Variants in IDI1 observed in about 807,000 individuals in gnomAD.
The protein encoded by IDI1 is isopentenyl-diphosphate delta isomerase 1.
In IDI1, 23 loss-of-function variants were observed where a neutral mutation model predicts 32.9. That is an observed-to-expected ratio of 0.70 (90% CI 0.50 to 0.99). The LOEUF (loss-of-function observed/expected upper bound fraction) is 0.99. Ranked by LOEUF, IDI1 falls within the 50% of genes least tolerant of loss-of-function variation. The pLI is 0.00. For missense variants in IDI1, 326 were observed against 351.9 expected (o/e 0.93, Z 0.59); for synonymous variants, 133 against 128.2 (o/e 1.04, Z -0.25).
At chr10:1,055,642 G>T in the IDI1 span, among the ~76,000 whole-genome samples, 1 of 151,576 alleles carries the variant, frequency 6.6e-6, no homozygotes, top group Admixed American at 6.6e-5. Flanking sequence ...TTTTTTCCTT[G>T]GCGTTCCTCT....
the IDI1 span, chr10:1,056,343 C>T: frequency 6.6e-6 from 1 of 152,256 alleles, no homozygotes; most frequent in Non-Finnish European, 1.5e-5. Context: ...GTTTTTCCTT[C>T]CCAGCCAATG....
the IDI1 span, among the ~76,000 whole-genome samples, chr10:1,055,741 C>T: frequency 6.6e-6 from 1 of 151,620 alleles, no homozygotes; most frequent in Non-Finnish European, 1.5e-5. Flanking sequence ...AATCTGGATC[C>T]CCTAAATAGA....
At chr10:1,049,861 C>A (rs953133106), upstream of IDI1, among the ~76,000 whole-genome samples, 4 of 152,180 alleles carry the variant, frequency 2.6e-5, no homozygotes, top group Non-Finnish European at 5.9e-5. Flanking sequence ...GCATGTTGGT[C>A]AGGCTGGTCT....
In IDI1 at chr10:1,045,417, ATG is replaced by A. The variant is rs1179252139; in HGVS notation, c.141-1248_141-1247del. 3.3e-5 allele frequency among the ~76,000 whole-genome samples: 5 copies of A among 152,266 alleles called. No individual in the cohort carries two copies. The East Asian group carries it at 7.7e-4, about 23-fold the overall frequency. ...CTACCCAATATATTTTGAAGATCCCATGTGCTCTACTTTCTATGTGACTCTAT... is the reference window on the plus strand; with the variant it reads ...CTACCCAATATATTTTGAAGATCCCATGCTCTACTTTCTATGTGACTCTAT... On this transcript the variant is annotated intron_variant, in intron 1 of 4. Transcript: ENST00000381344.
chr10:1,043,517 C>G (rs1328853946), intron 2 of IDI1, 124 bp from the exon 3 acceptor site: 1 of 727,860 alleles, frequency 1.4e-6, no homozygotes, highest in South Asian at 1.5e-5. Context: ...CATGGTTTAT[C>G]CACATGCATA....
intron 2 of IDI1, chr10:1,043,622 G>C: frequency 1.5e-6 from 1 of 664,432 alleles, no homozygotes. Flanking sequence ...CCCCTTTCCG[G>C]CAGTCAAGTT....
chr10:1,048,028 G>C (rs1267386969), intron 1 of IDI1, among the ~76,000 whole-genome samples: 1 of 151,898 alleles, frequency 6.6e-6, no homozygotes, highest in African/African-American at 2.4e-5. Flanking sequence ...CTTTTTTTCC[G>C]GGGGGATGGG....
Position 1,048,910 on chromosome 10 carries a change from C to A in IDI1, c.94G>T (p.Gly32Trp), listed in dbSNP as rs146488372. The change falls in exon 1 of 5, where the codon GGG becomes TGG. Residue 32 changes from glycine to tryptophan, a missense_variant. Gly to Trp is a radical substitution (Grantham distance 184). Around this residue, in one of 2 missense-constraint regions of IDI1, gnomAD observed 121 missense variants for 78.4 expected, o/e 1.54. Coordinates refer to ENST00000381344, the MANE Select transcript of IDI1 (RefSeq NM_004508.4). ...ACAACCGCCGGTCCCGGATGGCGCC[C>A]GCTTTGAGCACAGTCTGCGGCGCGC... ...AVRAADCAQS[G>W]RHPGPAVVCG... is the part of the protein sequence containing the mutation. The A allele has an allele frequency of 1.2e-6, 2 of 1,605,560 alleles. No homozygotes were observed. Among genetic ancestry groups the A allele is most frequent in the African/African-American group, 1.4e-5 (1 of 73,978 alleles).
Position 1,048,546 on chromosome 10 carries a change from G to A in IDI1, c.140+318C>T. The stretch of plus-strand genomic sequence containing the variant: ...GCAACTCTTAGTCTCCTGCGACTCG[G>A]TTTCCAGTTCCACGAGTTCCTAAAC... On this transcript the variant is annotated intron_variant, in intron 1 of 4. Transcript: ENST00000381344. 3 of 1,312,084 alleles carry A rather than the reference G, an allele frequency of 2.3e-6. No homozygotes were observed. The South Asian group carries it at 4.6e-5, about 20-fold the overall frequency. 81.3% of individuals were successfully genotyped at this position (1,312,084 alleles called of 1,614,324 possible). A position where few individuals can be genotyped will look rare whatever the true frequency, so the allele number is the denominator to read the frequency against.
intron 1 of IDI1, chr10:1,048,633 C>A: frequency 7.1e-7 from 1 of 1,408,470 alleles, no homozygotes; most frequent in Non-Finnish European, 9.2e-7. Context: ...ACGTCTCTGA[C>A]GCCCCGACTC....
At chr10:1,053,650 T>C (rs890369831), upstream of IDI1, among the ~76,000 whole-genome samples, 8 of 152,274 alleles carry the variant, frequency 5.3e-5, no homozygotes, top group Non-Finnish European at 1.2e-4. Context: ...TCATTAATCA[T>C]TTCTAGTTTT....
upstream of IDI1, among the ~76,000 whole-genome samples, chr10:1,052,856 C>T (rs1833049525): frequency 1.3e-5 from 2 of 152,216 alleles, no homozygotes. Context: ...CAGGCTTTGA[C>T]TTCTCCTCTC....
At chr10:1,051,643 C>T (rs148395509), upstream of IDI1, among the ~76,000 whole-genome samples, 504 of 152,250 alleles carry the variant, frequency 3.3e-3, 7 homozygotes, top group Admixed American at 0.03. Flanking sequence ...TAGATGAGTA[C>T]TGAATGGTCG....
At position 1,044,176 on chromosome 10, in the gene IDI1, T is replaced by C. The variant is rs1267349769; in HGVS notation, c.141-5A>G. On this transcript the variant is annotated splice_polypyrimidine_tract_variant and splice_region_variant and intron_variant, in intron 1 of 4. Transcript: ENST00000381344. ...TGTCTGATCTGTTCTAGAACACTAA[T>C]ATTAAAGGAAAAGAGAAAGAAAGGC... 4 of 1,594,308 alleles carry C rather than the reference T, an allele frequency of 2.5e-6. No individual in the cohort carries two copies. The highest frequency in any genetic ancestry group is 3.4e-6 in the Non-Finnish European group (4 of 1,170,420).
At chr10:1,041,991 T>C (rs1399744005) in intron 4 of IDI1, among the ~76,000 whole-genome samples, 1 of 152,000 alleles carries the variant, frequency 6.6e-6, no homozygotes, top group Non-Finnish European at 1.5e-5. Context: ...GTATTTTTAG[T>C]AGAGACGGAG....
intron 1 of IDI1, among the ~76,000 whole-genome samples, chr10:1,044,799 A>G (rs1339162970): frequency 6.6e-6 from 1 of 152,202 alleles, no homozygotes; most frequent in African/African-American, 2.4e-5. Context: ...TACTTAGCTG[A>G]TATCATTCTA....
chr10:1,052,020 G>A (rs1225535670), upstream of IDI1, among the ~76,000 whole-genome samples: 1 of 152,190 alleles, frequency 6.6e-6, no homozygotes, highest in Non-Finnish European at 1.5e-5. Flanking sequence ...CTATGGGCGT[G>A]TGCCACCATG....
upstream of IDI1, among the ~76,000 whole-genome samples, chr10:1,049,381 C>G (rs570708385): frequency 9.2e-5 from 14 of 152,054 alleles, no homozygotes; most frequent in African/African-American, 3.4e-4. Context: ...GCTCGGCGTC[C>G]CATGGGAGCG....
At chr10:1,048,776 G>C (rs1832882940) in intron 1 of IDI1, 88 bp downstream of exon 1, 1 of 1,534,082 alleles carries the variant, frequency 6.5e-7, no homozygotes, top group Non-Finnish European at 8.7e-7. Context: ...GGGTGGCTCA[G>C]ACCTCGGGCC....
Sources: allele counts gnomAD v4.1 joint callset (sites outside exome capture counted in the v4.1 genomes callset), GRCh38; gene constraint gnomAD v4.1.1; regional missense constraint gnomAD v4.1.1; transcripts MANE v1.5; gene names NCBI Gene and HGNC (gene_info 2026-07-23, HGNC 2026-07-21).